EXO1: variants seen among roughly 807,000 people sequenced by gnomAD.
The protein encoded by EXO1 is exonuclease 1.
In EXO1, 69 loss-of-function variants were observed where a neutral mutation model predicts 84.5. The ratio of observed to expected loss-of-function variants is 0.82; its 90% CI spans 0.67 to 1.00. The LOEUF is 1.00. EXO1 is among the 50% of genes least tolerant of loss of function. The probability of loss-of-function intolerance (pLI) is 0.00; values close to 1 mark genes in which losing one functional copy is unlikely to be tolerated. For missense variants in EXO1, 1,045 were observed against 1,000.7 expected, an observed-to-expected ratio of 1.04 and a Z score of -0.60; for synonymous variants, 373 against 366.1, an observed-to-expected ratio of 1.02 and a Z score of -0.21.
chr1:241,850,836 C>CAT (rs1660624175), intron 4 of EXO1, among the ~76,000 whole-genome samples: 1 of 105,088 alleles, frequency 9.5e-6, no homozygotes, highest in South Asian at 3.5e-4. Context: ...CTCCTTTATT[C>CAT]TTTTTTTTTT....
intron 11 of EXO1, 151 bp from the exon 12 acceptor site, chr1:241,871,881 T>G: frequency 1.6e-6 from 1 of 612,114 alleles, no homozygotes; most frequent in Non-Finnish European, 2.8e-6. Flanking sequence ...TGAATCATCC[T>G]TATCCTTATG....
At chr1:241,868,107 G>C (rs1464512479) in intron 11 of EXO1, among the ~76,000 whole-genome samples, 1 of 152,036 alleles carries the variant, frequency 6.6e-6, no homozygotes, top group African/African-American at 2.4e-5. Context: ...GGGTGCGGTG[G>C]CTCACACCTA....
intron 6 of EXO1, among the ~76,000 whole-genome samples, chr1:241,856,300 G>A (rs1056588512): frequency 6.7e-6 from 1 of 149,030 alleles, no homozygotes; most frequent in Non-Finnish European, 1.5e-5. Flanking sequence ...CTGTCTTCAG[G>A]CCTTGGGAAC....
In EXO1 at chr1:241,885,414, C is replaced by A. The variant is rs1393382146; in HGVS notation, c.2312C>A (p.Ala771Glu). 1 of 1,613,784 alleles carries A rather than the reference C, an allele frequency of 6.2e-7. No individual in the cohort carries two copies. Among genetic ancestry groups the A allele is most frequent in the Non-Finnish European group, 8.5e-7 (1 of 1,179,774 alleles). ...GCCAGTGGGCTGAGCAAGAAGCCGG[C>A]AAGCATCCAGAAGAGAAAGCATCAT... ...ARASGLSKKP[A>E]SIQKRKHHNA... is the part of the protein sequence containing the mutation. Residue 771 changes from alanine (A) to glutamate (E), a missense_variant, in exon 15 of 16, where the codon GCA becomes GAA. Physicochemically the swap from Ala to Glu is moderately radical, Grantham distance 107. Coordinates refer to ENST00000366548, the MANE Select transcript of EXO1 (RefSeq NM_130398.4).
intron 11 of EXO1, among the ~76,000 whole-genome samples, chr1:241,871,429 T>G (rs1208007091): frequency 6.6e-6 from 1 of 152,246 alleles, no homozygotes; most frequent in Non-Finnish European, 1.5e-5. Context: ...TGTACTTACC[T>G]GTCTCAGATT....
Position 241,862,172 on chromosome 1 carries a change from G to A in EXO1, c.1041+670G>A, listed in dbSNP as rs189929876. On this transcript the variant is annotated intron_variant, in intron 10 of 15. Transcript: ENST00000366548. ...AGGCTGGTCTGGAACTCCCAACCTCGGGTGATCTGCCCACCTCGGCCTCCC... is the reference window on the plus strand; with the variant it reads ...AGGCTGGTCTGGAACTCCCAACCTCAGGTGATCTGCCCACCTCGGCCTCCC... Among the ~76,000 whole-genome samples, 125 of 152,214 alleles carry A rather than the reference G, an allele frequency of 8.2e-4. No individual in the cohort carries two copies. The Middle Eastern group carries it at 0.01, about 13-fold the overall frequency.
rs144650625 is a variant in EXO1 at position 241,887,201 on chromosome 1, A to G, written c.2405+1694A>G. On this transcript the variant is annotated intron_variant, in intron 15 of 15. Transcript: ENST00000366548. ...CTGTTGCCTAGGCTGGAATGGCACA[A>G]TCATGGCTCACTGTACCCTCGAGCT... is the stretch of plus-strand genomic sequence containing the variant. 7.4e-3 allele frequency among the ~76,000 whole-genome samples: 1,125 copies of G among 152,282 alleles called. 4 individuals are homozygous for G. Among genetic ancestry groups the G allele is most frequent in the Middle Eastern group, 0.034 (10 of 294 alleles).
intron 10 of EXO1, among the ~76,000 whole-genome samples, chr1:241,864,394 C>G (rs1661588930): frequency 1.3e-5 from 2 of 152,178 alleles, no homozygotes; most frequent in Admixed American, 1.3e-4. Context: ...CAATATTTAG[C>G]CTTTTGTTTC....
In EXO1 at chr1:241,882,531, G is replaced by A. The variant is rs1331034280; in HGVS notation, c.2211+514G>A. Among the ~76,000 whole-genome samples the A allele has an allele frequency of 2.6e-5, 4 of 152,214 alleles. No homozygotes were observed. In the East Asian group the frequency reaches 7.7e-4, roughly 29 times the overall value. On this transcript the variant is annotated intron_variant, in intron 14 of 15. Coordinates refer to ENST00000366548, the MANE Select transcript of EXO1 (RefSeq NM_130398.4). ...TGAATCAAAATATATAAATATTTGT[G>A]TTACTACATAGTAAAGCATATTTTA...
rs1231044957 is a variant in EXO1, at chr1:241,848,241, C to CT, written c.-531dup. 2 of 152,396 alleles carry CT rather than the reference C, an allele frequency of 1.3e-5. No individual in the cohort carries two copies. The highest frequency in any genetic ancestry group is 4.8e-5 in the African/African-American group (2 of 41,464). 9.4% of individuals were successfully genotyped at this position (152,396 alleles called of 1,614,324 possible). On this transcript the variant is annotated 5_prime_UTR_variant, in exon 1 of 16. Coordinates refer to ENST00000366548, the MANE Select transcript of EXO1 (RefSeq NM_130398.4). This position sits in a 1 kb window ranked among gnomAD's most constrained non-coding sequence, Gnocchi z 4.2. ...GCTGTGTAGGCAAGTTACCCGTGTT[C>CT]TGCGTTGCCGGCCGTGGGTGCTCTG...
At chr1:241,881,765 A>G in intron 13 of EXO1, 151 bp from the exon 14 acceptor site, 1 of 488,230 alleles carries the variant, frequency 2.0e-6, no homozygotes, top group Non-Finnish European at 3.7e-6. Context: ...GAAATTGGCA[A>G]ATATCATCCT....
intron 10 of EXO1, among the ~76,000 whole-genome samples, chr1:241,863,696 A>T (rs1661535586): frequency 6.6e-6 from 1 of 152,194 alleles, no homozygotes; most frequent in South Asian, 2.1e-4. Flanking sequence ...TCAGTGATGT[A>T]AACCTTACAC....
intron 15 of EXO1, among the ~76,000 whole-genome samples, chr1:241,889,053 C>T (rs192017224): frequency 2.0e-5 from 3 of 151,746 alleles, no homozygotes; most frequent in African/African-American, 7.3e-5. Context: ...GCCTGGGTGA[C>T]AGAGCGAGAC....
chr1:241,858,678 G>A lies in EXO1; in HGVS notation c.716G>A (p.Cys239Tyr). Residue 239 changes from cysteine to tyrosine, a missense_variant, in exon 8 of 16, where the codon TGC becomes TAC. Cys to Tyr is a radical substitution (Grantham distance 194). Transcript: ENST00000366548. ...SLRGIGLAKACKVLRLANNPD... is the reference protein window; with the variant it reads ...SLRGIGLAKAYKVLRLANNPD... ...CGTGGGATTGGATTAGCAAAGGCAT[G>A]CAAAGTCCTAAGACTAGCCAATAAT... The A allele has an allele frequency of 6.2e-7, 1 of 1,613,994 alleles. No individual in the cohort carries two copies. The highest frequency in any genetic ancestry group is 1.7e-5 in the Admixed American group (1 of 60,030).
At position 241,850,649 on chromosome 1, in the gene EXO1, T is replaced by C. The variant is rs4149858; in HGVS notation, c.161+63T>C. 43 of 1,359,370 alleles carry C rather than the reference T, an allele frequency of 3.2e-5. No homozygotes were observed. In the Admixed American group the frequency reaches 7.0e-4, roughly 22 times the overall value. The allele number at this position is 1,359,370 out of a possible 1,614,324, so 84.2% of individuals were successfully genotyped here. ...GAATGAGACCTACAGTGCCTTTTTT[T>C]CTCCCCCAGAAACGGATTGTTTTCA... On this transcript the variant is annotated intron_variant, in intron 4 of 15. Transcript: ENST00000366548.
intron 12 of EXO1, among the ~76,000 whole-genome samples, chr1:241,873,571 G>T (rs941671048): frequency 1.3e-5 from 2 of 151,860 alleles, no homozygotes; most frequent in African/African-American, 4.8e-5. Flanking sequence ...ATATTCTAAT[G>T]TAGATGACTG....
chr1:241,858,613 C>T lies in EXO1; in HGVS notation c.651C>T (p.Tyr217=). 2 of 1,613,898 alleles carry T rather than the reference C, an allele frequency of 1.2e-6. No homozygotes were observed. Among genetic ancestry groups the T allele is most frequent in the East Asian group, 2.2e-5 (1 of 44,862 alleles). Residue 217 remains tyrosine (Y), a synonymous_variant, in exon 8 of 16, where the codon TAC becomes TAT. Transcript: ENST00000366548. ...GDVFTEEKFR[Y]MCILSGCDYL... is the part of the protein sequence containing the mutation. ...TATTCACGGAAGAGAAGTTTCGTTA[C>T]ATGTGTATTCTTTCAGGTTGTGACT...
intron 4 of EXO1, among the ~76,000 whole-genome samples, chr1:241,851,309 A>G (rs1206682162): frequency 6.6e-6 from 1 of 152,206 alleles, no homozygotes; most frequent in African/African-American, 2.4e-5. Flanking sequence ...CTTTATGATC[A>G]GCAGGTCCCA....
At chr1:241,853,841 T>C (rs1443863291) in intron 6 of EXO1, among the ~76,000 whole-genome samples, 1 of 152,106 alleles carries the variant, frequency 6.6e-6, no homozygotes, top group Non-Finnish European at 1.5e-5. Flanking sequence ...AATGAGACCC[T>C]GTCTCTATTA....
Sources: allele counts gnomAD v4.1 joint callset (sites outside exome capture counted in the v4.1 genomes callset), GRCh38; gene constraint gnomAD v4.1.1; non-coding constraint Gnocchi (gnomAD v3.1); transcripts MANE v1.5; gene names NCBI Gene and HGNC (gene_info 2026-07-23, HGNC 2026-07-21).